Variants in KDM5A observed in about 807,000 individuals in gnomAD.
KDM5A encodes the protein lysine demethylase 5A, also known as lysine-specific demethylase 5A.
In KDM5A, 42 loss-of-function variants were observed where a neutral mutation model predicts 193.5. The ratio of observed to expected loss-of-function variants is 0.22; its 90% CI spans 0.17 to 0.28. KDM5A has a LOEUF of 0.28. Among genes scored for constraint, KDM5A ranks in the 10% least tolerant of loss-of-function variants. The probability of loss-of-function intolerance (pLI) is 1.00; values close to 1 mark genes in which losing one functional copy is unlikely to be tolerated. For missense variants in KDM5A, 1,692 were observed against 2,055.1 expected (o/e 0.82, Z 3.42); for synonymous variants, 796 against 718.1 (o/e 1.11, Z -1.73).
intron 25 of KDM5A, among the ~76,000 whole-genome samples, chr12:296,693 A>G: frequency 6.6e-6 from 1 of 152,200 alleles, no homozygotes; most frequent in South Asian, 2.1e-4. Context: ...CAAAACCAGA[A>G]TAAATATGCT....
intron 10 of KDM5A, among the ~76,000 whole-genome samples, chr12:343,753 A>C (rs973419692): frequency 6.6e-6 from 1 of 152,222 alleles, no homozygotes; most frequent in Non-Finnish European, 1.5e-5. Context: ...CCAAAACCCC[A>C]TCTGTAGATC....
At chr12:358,790 G>T in intron 5 of KDM5A, among the ~76,000 whole-genome samples, 1 of 151,862 alleles carries the variant, frequency 6.6e-6, no homozygotes, top group Non-Finnish European at 1.5e-5. Context: ...TGGACAATAT[G>T]GTGAAACCCT....
chr12:310,356 C>T (rs1363263207), intron 21 of KDM5A, among the ~76,000 whole-genome samples: 6 of 152,126 alleles, frequency 3.9e-5, no homozygotes, highest in Admixed American at 6.5e-5. Flanking sequence ...ATAGGCTGGA[C>T]GTGGTGGCTC....
intron 3 of KDM5A, among the ~76,000 whole-genome samples, chr12:382,955 C>A (rs961561009): frequency 6.6e-6 from 1 of 151,804 alleles, no homozygotes; most frequent in Non-Finnish European, 1.5e-5. Flanking sequence ...AAAAACATAT[C>A]TCAAGGTTAT....
At chr12:303,139 T>C (rs1943465368) in intron 24 of KDM5A, among the ~76,000 whole-genome samples, 3 of 152,200 alleles carry the variant, frequency 2.0e-5, no homozygotes, top group Admixed American at 2.0e-4. Flanking sequence ...AGAATTACCA[T>C]TTGACCCAGC....
chr12:356,098 G>C (rs1030705835), intron 6 of KDM5A, among the ~76,000 whole-genome samples: 3 of 152,132 alleles, frequency 2.0e-5, no homozygotes, highest in Non-Finnish European at 4.4e-5. Context: ...TCGATACTAA[G>C]AGTTACAAGC....
chr12:371,590 G>A (rs965184754), intron 3 of KDM5A, among the ~76,000 whole-genome samples: 3 of 152,264 alleles, frequency 2.0e-5, no homozygotes, highest in Non-Finnish European at 4.4e-5. Context: ...CTTTTGTTGT[G>A]CAGAAGTTCT....
chr12:299,869 C>CA (rs1041317888), intron 24 of KDM5A, among the ~76,000 whole-genome samples: 12 of 148,440 alleles, frequency 8.1e-5, no homozygotes, highest in Admixed American at 2.7e-4. Flanking sequence ...AAATGGAAAA[C>CA]AAAAAAAAAG....
At chr12:378,324 C>A (rs938324877) in intron 3 of KDM5A, among the ~76,000 whole-genome samples, 2 of 151,976 alleles carry the variant, frequency 1.3e-5, no homozygotes, top group African/African-American at 4.8e-5. Context: ...GTGGTGCAAT[C>A]AGAGGTCACT....
chr12:362,516 T>C (rs964146503), intron 5 of KDM5A, among the ~76,000 whole-genome samples: 4 of 152,356 alleles, frequency 2.6e-5, no homozygotes, highest in African/African-American at 9.6e-5. Context: ...ATCTCACTTC[T>C]GCTAACCATA....
At chr12:371,104 G>A (rs911302396) in intron 3 of KDM5A, among the ~76,000 whole-genome samples, 1 of 152,200 alleles carries the variant, frequency 6.6e-6, no homozygotes, top group Admixed American at 6.5e-5. Context: ...ATAACAGCAT[G>A]ATTTATAATC....
At chr12:343,889 A>C (rs1445476905) in intron 10 of KDM5A, among the ~76,000 whole-genome samples, 3 of 152,210 alleles carry the variant, frequency 2.0e-5, no homozygotes, top group African/African-American at 7.2e-5. Context: ...CTTGCCAGCA[A>C]TGGAACAAAG....
intron 27 of KDM5A, among the ~76,000 whole-genome samples, chr12:290,432 T>A (rs1371851584): frequency 6.6e-6 from 1 of 152,208 alleles, no homozygotes; most frequent in African/African-American, 2.4e-5. Flanking sequence ...CCTTTACGTA[T>A]CGTAACAGTT....
At chr12:361,863 C>G (rs1944297722) in intron 5 of KDM5A, among the ~76,000 whole-genome samples, 1 of 152,128 alleles carries the variant, frequency 6.6e-6, no homozygotes, top group Non-Finnish European at 1.5e-5. Context: ...ACCTAAGAAG[C>G]TGAGTATTCA....
chr12:348,240 C>T (rs1346001521), intron 10 of KDM5A, among the ~76,000 whole-genome samples: 16 of 152,044 alleles, frequency 1.1e-4, no homozygotes, highest in Admixed American at 5.9e-4. Flanking sequence ...GTTAGAATGG[C>T]GATCATTAAA....
intron 9 of KDM5A, among the ~76,000 whole-genome samples, 184 bp from the exon 10 acceptor site, chr12:350,963 C>T (rs79286206): frequency 0.024 from 3,603 of 152,212 alleles, 55 homozygotes; most frequent in Middle Eastern, 0.044. Context: ...TGAGACAACT[C>T]GGACGTTCAG....
chr12:333,671 T>C (rs750751358), intron 11 of KDM5A, 22 bp from the exon 12 acceptor site: 5 of 1,612,206 alleles, frequency 3.1e-6, no homozygotes, highest in South Asian at 1.1e-5. Flanking sequence ...AGTAACTGTT[T>C]AGCTAGGCAG....
At chr12:332,497 T>C (rs1943878224) in intron 12 of KDM5A, among the ~76,000 whole-genome samples, 1 of 152,196 alleles carries the variant, frequency 6.6e-6, no homozygotes, top group Non-Finnish European at 1.5e-5. Flanking sequence ...CTACTTTCTC[T>C]TTAAGGTTAT....
chr12:291,356 A>G (rs1415187228), intron 27 of KDM5A, among the ~76,000 whole-genome samples: 1 of 152,180 alleles, frequency 6.6e-6, no homozygotes, highest in East Asian at 1.9e-4. Flanking sequence ...TAGTTTTGGA[A>G]TGTGTTTTTG....
Sources: gnomAD v4.1 joint callset for allele counts (sites outside exome capture counted in the v4.1 genomes callset) on GRCh38, gnomAD v4.1.1 for gene constraint, MANE v1.5 for transcripts, NCBI Gene and HGNC (gene_info 2026-07-23, HGNC 2026-07-21) for gene names.